UBASH3B: variants seen among roughly 807,000 people sequenced by gnomAD.
UBASH3B encodes the protein ubiquitin associated and SH3 domain containing B.
A neutral mutation model predicts 83.4 loss-of-function variants in UBASH3B; 37 were observed. The ratio of observed to expected loss-of-function variants is 0.44; its 90% CI spans 0.34 to 0.58. The LOEUF is 0.58. Among genes scored for constraint, UBASH3B ranks in the 20% least tolerant of loss-of-function variants. The pLI is 0.01. For synonymous variants in UBASH3B, 304 were observed against 318.3 expected (o/e 0.96, Z 0.48); for missense variants, 657 against 827.2 (o/e 0.79, Z 2.52).
chr11:122,687,943 A>G (rs893569250), intron 1 of UBASH3B, among the ~76,000 whole-genome samples: 2 of 152,132 alleles, frequency 1.3e-5, no homozygotes, highest in African/African-American at 4.8e-5. Flanking sequence ...TAGATTATAC[A>G]TAAATTTTGT....
intron 1 of UBASH3B, among the ~76,000 whole-genome samples, chr11:122,672,834 G>T (rs118115244): frequency 6.6e-6 from 1 of 152,136 alleles, no homozygotes; most frequent in Non-Finnish European, 1.5e-5. Context: ...GGAGTCAGGA[G>T]CATACCTAAA....
At position 122,765,990 on chromosome 11, in the gene UBASH3B, C is replaced by T. The variant is rs149108390; in HGVS notation, c.162-10229C>T. Among the ~76,000 whole-genome samples, 41 of 152,298 alleles carry T rather than the reference C, an allele frequency of 2.7e-4. No homozygotes were observed. The East Asian group carries it at 6.8e-3, about 25-fold the overall frequency. On this transcript the variant is annotated intron_variant, in intron 1 of 13. Transcript: ENST00000284273. Reference sequence around the variant, plus strand: ...GCAGTCTCCTGTATTAATCACCCAGCGTGGCTGGTGCACTGCAGAAAAGTG... The same window carrying T: ...GCAGTCTCCTGTATTAATCACCCAGTGTGGCTGGTGCACTGCAGAAAAGTG...
intron 1 of UBASH3B, among the ~76,000 whole-genome samples, chr11:122,657,589 C>G (rs11218741): frequency 0.036 from 5,454 of 152,272 alleles, 208 homozygotes; most frequent in East Asian, 0.13. Context: ...TGTCTCCCCT[C>G]CCTTATCTCT....
chr11:122,773,616 C>T (rs1274948468), intron 1 of UBASH3B, among the ~76,000 whole-genome samples: 1 of 152,220 alleles, frequency 6.6e-6, no homozygotes, highest in African/African-American at 2.4e-5. Context: ...ATACGATAAC[C>T]TTCCACCAAA....
rs570797957 is a variant in UBASH3B, at chr11:122,662,215, T to C, written c.161+6005T>C. Among the ~76,000 whole-genome samples, 15 of 152,032 alleles carry C rather than the reference T, an allele frequency of 9.9e-5. No individual in the cohort carries two copies. In the South Asian group the frequency reaches 2.9e-3, roughly 29 times the overall value. Reference sequence around the variant, plus strand: ...AGCCACCCTGCCCGGCCAGCCGATGTGCTTTTTTTAAAAAAACTTTTTTGA... The same window carrying C: ...AGCCACCCTGCCCGGCCAGCCGATGCGCTTTTTTTAAAAAAACTTTTTTGA... On this transcript the variant is annotated intron_variant, in intron 1 of 13. Transcript: ENST00000284273.
intron 1 of UBASH3B, among the ~76,000 whole-genome samples, chr11:122,671,979 C>T (rs922721289): frequency 6.6e-6 from 1 of 151,946 alleles, no homozygotes; most frequent in African/African-American, 2.4e-5. Flanking sequence ...GCCGCTGCCC[C>T]AGAATGGGTT....
chr11:122,690,226 ATATCCAATTT>A (rs1355664242), intron 1 of UBASH3B, among the ~76,000 whole-genome samples: 1 of 133,250 alleles, frequency 7.5e-6, no homozygotes, highest in African/African-American at 2.8e-5. Flanking sequence ...ATATATATAT[ATATCCAATTT>A]TATATATATA....
intron 1 of UBASH3B, among the ~76,000 whole-genome samples, chr11:122,771,770 C>T (rs1038627452): frequency 6.6e-6 from 1 of 151,814 alleles, no homozygotes; most frequent in Non-Finnish European, 1.5e-5. Flanking sequence ...CACACACACA[C>T]ACACACACAC....
chr11:122,677,747 C>T (rs1863686612), intron 1 of UBASH3B, among the ~76,000 whole-genome samples: 2 of 151,634 alleles, frequency 1.3e-5, no homozygotes, highest in Non-Finnish European at 2.9e-5. Context: ...GCAAAACTCC[C>T]TCTCGAAAAA....
intron 13 of UBASH3B, among the ~76,000 whole-genome samples, chr11:122,808,710 C>A (rs1485841467): frequency 6.6e-6 from 1 of 152,336 alleles, no homozygotes; most frequent in Non-Finnish European, 1.5e-5. Context: ...AGCTGCCTCC[C>A]ACACACTTCC....
At chr11:122,686,578 C>G (rs1362156017) in intron 1 of UBASH3B, among the ~76,000 whole-genome samples, 1 of 152,100 alleles carries the variant, frequency 6.6e-6, no homozygotes, top group East Asian at 1.9e-4. Context: ...ATGAGTAAGG[C>G]TTTTGGCCGT....
chr11:122,798,208 C>T (rs1395444298), intron 9 of UBASH3B, among the ~76,000 whole-genome samples: 2 of 152,130 alleles, frequency 1.3e-5, no homozygotes, highest in East Asian at 3.9e-4. Flanking sequence ...ATGAGGATAG[C>T]ATTAAAGTAT....
intron 1 of UBASH3B, 97 bp downstream of exon 1, chr11:122,656,307 G>A: frequency 8.3e-7 from 1 of 1,203,356 alleles, no homozygotes. Flanking sequence ...TGCGGGACAG[G>A]CAGCGCGCTC....
chr11:122,679,653 AT>A (rs1863713538), intron 1 of UBASH3B, among the ~76,000 whole-genome samples: 1 of 152,180 alleles, frequency 6.6e-6, no homozygotes, highest in South Asian at 2.1e-4. Flanking sequence ...GGCCGACCAT[AT>A]GGTCTCCATG....
At chr11:122,734,349 A>C (rs897037708) in intron 1 of UBASH3B, among the ~76,000 whole-genome samples, 4 of 152,234 alleles carry the variant, frequency 2.6e-5, no homozygotes, top group Non-Finnish European at 4.4e-5. Flanking sequence ...GCCTGAGGAA[A>C]GGACTTGGCC....
chr11:122,766,458 T>A (rs1237984174), intron 1 of UBASH3B, among the ~76,000 whole-genome samples: 1 of 152,156 alleles, frequency 6.6e-6, no homozygotes, highest in Non-Finnish European at 1.5e-5. Context: ...GGCAGGAGAA[T>A]GGCGTGAACC....
At chr11:122,673,106 G>A (rs985072360) in intron 1 of UBASH3B, among the ~76,000 whole-genome samples, 12 of 152,176 alleles carry the variant, frequency 7.9e-5, no homozygotes, top group African/African-American at 2.7e-4. Flanking sequence ...CTCTGGGCAC[G>A]TGACAGTGAG....
intron 1 of UBASH3B, among the ~76,000 whole-genome samples, chr11:122,685,407 G>A (rs1013982510): frequency 6.6e-6 from 1 of 152,186 alleles, no homozygotes; most frequent in African/African-American, 2.4e-5. Flanking sequence ...CTAGGGTAGG[G>A]TTTCCCTCTG....
At chr11:122,766,013 G>C (rs1232227418) in intron 1 of UBASH3B, among the ~76,000 whole-genome samples, 1 of 152,176 alleles carries the variant, frequency 6.6e-6, no homozygotes, top group Non-Finnish European at 1.5e-5. Flanking sequence ...CTGCAGAAAA[G>C]TGATGGCCTT....
Sources: gnomAD v4.1 joint callset for allele counts (sites outside exome capture counted in the v4.1 genomes callset) on GRCh38, gnomAD v4.1.1 for gene constraint, MANE v1.5 for transcripts, NCBI Gene and HGNC (gene_info 2026-07-23, HGNC 2026-07-21) for gene names.